Variants in RPS6KA2 observed in about 807,000 individuals in gnomAD.
RPS6KA2 encodes ribosomal protein S6 kinase A2, also known as ribosomal protein S6 kinase alpha-2.
RPS6KA2 carries 42 observed loss-of-function variants against 91.8 expected under a neutral mutation model. That is an observed-to-expected ratio of 0.46 (90% CI 0.36 to 0.59). The LOEUF (loss-of-function observed/expected upper bound fraction) is 0.59. Among genes scored for constraint, RPS6KA2 ranks in the 20% least tolerant of loss-of-function variants. The probability of loss-of-function intolerance (pLI) is 0.00; values close to 1 mark genes in which losing one functional copy is unlikely to be tolerated. For synonymous variants in RPS6KA2, 414 were observed against 393.6 expected (o/e 1.05, Z -0.61); for missense variants, 798 against 978.5 (o/e 0.82, Z 2.46).
chr6:166,798,617 G>C (rs1763254569), intron 2 of RPS6KA2, among the ~76,000 whole-genome samples: 1 of 152,220 alleles, frequency 6.6e-6, no homozygotes. Context: ...ACTGGGGTCA[G>C]TGTACATGCA....
chr6:166,468,856 T>TCCGCCTCAA lies in RPS6KA2; in HGVS notation c.972+984_972+985insTTGAGGCGG, dbSNP rs567161437. Among the ~76,000 whole-genome samples the TCCGCCTCAA allele has an allele frequency of 1.3e-3, 147 of 112,156 alleles. 19 individuals carry two copies. The highest frequency in any genetic ancestry group is 4.9e-3 in the Middle Eastern group (1 of 206). The allele number at this position is 112,156 out of a possible 152,430, so 73.6% of individuals were successfully genotyped here. On this transcript the variant is annotated intron_variant, in intron 11 of 20. Coordinates refer to ENST00000265678, the MANE Select transcript of RPS6KA2 (RefSeq NM_021135.6). ...TCCAGCCTGGGCGACAGAGCGAGAC[T>TCCGCCTCAA]AAAAAAAAAAAAAAAAAGAAGACAG...
At chr6:166,628,150 G>A (rs1158341564), upstream of RPS6KA2, among the ~76,000 whole-genome samples, 2 of 152,248 alleles carry the variant, frequency 1.3e-5, no homozygotes, top group African/African-American at 2.4e-5. Context: ...CTAGGGCAAG[G>A]CCCTCAGACC....
intron 1 of RPS6KA2, among the ~76,000 whole-genome samples, chr6:166,609,294 G>A (rs1017747646): frequency 7.2e-5 from 11 of 152,262 alleles, no homozygotes; most frequent in Non-Finnish European, 1.0e-4. Context: ...TGGGTTCCGG[G>A]TGTGAGATAA....
chr6:166,648,148 A>G lies in RPS6KA2; in HGVS notation c.124-109364T>C, dbSNP rs958434709. On this transcript the variant is annotated intron_variant, in intron 2 of 21. Transcript: ENST00000503859. The surrounding 1 kb of genome is among the most constrained non-coding windows in gnomAD (Gnocchi z 4.8). ...CATACACATACATGCACACACGCAC[A>G]TGGTTACACACCCATGCACACATGC... is the stretch of plus-strand genomic sequence containing the variant. Among the ~76,000 whole-genome samples, 8 of 149,642 alleles carry G rather than the reference A, an allele frequency of 5.3e-5. No homozygotes were observed. The highest frequency in any genetic ancestry group is 2.5e-5 in the African/African-American group (1 of 40,506).
At position 166,810,566 on chromosome 6, in the gene RPS6KA2, A is replaced by T. The variant is rs548575776; in HGVS notation, c.123+47634T>A. On this transcript the variant is annotated intron_variant, in intron 2 of 21. Transcript: ENST00000503859. Reference sequence around the variant, plus strand: ...TCTTAAATAGCTGAGAATCACCGGTAATCAATGGCATCACCTCCTATGATC... The same window carrying T: ...TCTTAAATAGCTGAGAATCACCGGTTATCAATGGCATCACCTCCTATGATC... 1.2e-4 allele frequency among the ~76,000 whole-genome samples: 18 copies of T among 152,314 alleles called. No homozygotes were observed. The South Asian group carries it at 3.1e-3, about 26-fold the overall frequency.
chr6:166,826,206 T>C (rs1294690499), intron 2 of RPS6KA2, among the ~76,000 whole-genome samples: 1 of 152,238 alleles, frequency 6.6e-6, no homozygotes, highest in African/African-American at 2.4e-5. Context: ...AAACTCTATG[T>C]TCATATGTAG....
At chr6:166,509,931 T>C (rs1241131100) in intron 4 of RPS6KA2, among the ~76,000 whole-genome samples, 1 of 152,244 alleles carries the variant, frequency 6.6e-6, no homozygotes, top group Non-Finnish European at 1.5e-5. Context: ...TATTGGGTCA[T>C]AGAGTATTTT....
rs1455836077 is a variant in RPS6KA2 at position 166,487,338 on chromosome 6, G to A, written c.907+1495C>T. Among the ~76,000 whole-genome samples, 3 of 152,082 alleles carry A rather than the reference G, an allele frequency of 2.0e-5. No individual in the cohort carries two copies. In the South Asian group the frequency reaches 6.2e-4, roughly 32 times the overall value. ...TCACCCATGCCACGGGGAGCTCACC[G>A]TGTCACCTGCTCTGACGTCACCAGT... On this transcript the variant is annotated intron_variant, in intron 10 of 20. Transcript: ENST00000265678.
rs768977437 is a variant in RPS6KA2 at position 166,729,870 on chromosome 6, C to T, written c.123+128330G>A. ...CTGGACACCCACTTCCTGTGTGTGACGAAATTCAAGGGCCCTTCTCATCAG... is the reference window on the plus strand; with the variant it reads ...CTGGACACCCACTTCCTGTGTGTGATGAAATTCAAGGGCCCTTCTCATCAG... On this transcript the variant is annotated intron_variant, in intron 2 of 21. Transcript: ENST00000503859. Among the ~76,000 whole-genome samples the T allele has an allele frequency of 7.2e-5, 11 of 152,226 alleles. 1 individual carries two copies. Among genetic ancestry groups the T allele is most frequent in the East Asian group, 1.9e-4 (1 of 5,178 alleles).
chr6:166,454,823 T>C (rs929960706), intron 12 of RPS6KA2, among the ~76,000 whole-genome samples: 4 of 151,126 alleles, frequency 2.6e-5, no homozygotes, highest in African/African-American at 9.7e-5. Flanking sequence ...AACCCAGACA[T>C]TACTTAAAAA....
intron 3 of RPS6KA2, among the ~76,000 whole-genome samples, chr6:166,527,106 T>C (rs1267127091): frequency 6.6e-6 from 1 of 152,184 alleles, no homozygotes; most frequent in East Asian, 1.9e-4. Context: ...GAGGCCAAGG[T>C]CAGCCCTGAG....
intron 2 of RPS6KA2, among the ~76,000 whole-genome samples, chr6:166,853,450 C>A (rs922407070): frequency 1.3e-5 from 2 of 152,224 alleles, no homozygotes; most frequent in African/African-American, 4.8e-5. Flanking sequence ...GCACAGACTT[C>A]GCCTCTGTGC....
intron 12 of RPS6KA2, among the ~76,000 whole-genome samples, chr6:166,458,525 C>G (rs1170203475): frequency 6.6e-6 from 1 of 152,172 alleles, no homozygotes; most frequent in Non-Finnish European, 1.5e-5. Context: ...CAGACTAATA[C>G]AGGCCTTTAA....
At chr6:166,562,002 C>T (rs897046578) in intron 1 of RPS6KA2, among the ~76,000 whole-genome samples, 4 of 152,166 alleles carry the variant, frequency 2.6e-5, no homozygotes, top group Non-Finnish European at 5.9e-5. Flanking sequence ...ATTCAATCTT[C>T]AAAGCAGGCG....
At chr6:166,745,182 G>A (rs1790958592) in intron 2 of RPS6KA2, among the ~76,000 whole-genome samples, 1 of 110,566 alleles carries the variant, frequency 9.0e-6, no homozygotes, top group East Asian at 2.8e-4. Context: ...AGAGAGTTTT[G>A]CCCTTGTTGC....
chr6:166,760,342 T>C (rs1332149432), intron 2 of RPS6KA2, among the ~76,000 whole-genome samples: 1 of 152,244 alleles, frequency 6.6e-6, no homozygotes, highest in East Asian at 1.9e-4. Flanking sequence ...ACATCTTCTT[T>C]CGAGGATATA....
chr6:166,811,832 G>C (rs1779646277), intron 2 of RPS6KA2, among the ~76,000 whole-genome samples: 2 of 152,068 alleles, frequency 1.3e-5, no homozygotes, highest in South Asian at 4.1e-4. Context: ...ATAATTACTA[G>C]AATAACAGCT....
chr6:166,530,987 C>A lies in RPS6KA2; in HGVS notation c.298+245G>T, dbSNP rs141145553. 1.3e-5 allele frequency among the ~76,000 whole-genome samples: 2 copies of A among 152,360 alleles called. 1 individual carries two copies. The highest frequency in any genetic ancestry group is 3.9e-4 in the East Asian group (2 of 5,186). ...TTCCCAATGCCGCTCCACGGCAGAA[C>A]ATATGTGGGAGAATGGTATTTACGC... On this transcript the variant is annotated intron_variant, in intron 3 of 20. Transcript: ENST00000265678.
At position 166,781,236 on chromosome 6, in the gene RPS6KA2, T is replaced by C. The variant is rs1012561294; in HGVS notation, c.123+76964A>G. Among the ~76,000 whole-genome samples, 13 of 152,366 alleles carry C rather than the reference T, an allele frequency of 8.5e-5. No homozygotes were observed. In the East Asian group the frequency reaches 1.7e-3, roughly 20 times the overall value. On this transcript the variant is annotated intron_variant, in intron 2 of 21. Transcript: ENST00000503859. Reference sequence around the variant, plus strand: ...ACGAAGGTAGGTCATTATCAACTATTTTCACAAAGGAACTAGGAACCGCAT... The same window carrying C: ...ACGAAGGTAGGTCATTATCAACTATCTTCACAAAGGAACTAGGAACCGCAT...
Sources: allele counts gnomAD v4.1 joint callset (sites outside exome capture counted in the v4.1 genomes callset), GRCh38; gene constraint gnomAD v4.1.1; non-coding constraint Gnocchi (gnomAD v3.1); transcripts MANE v1.5; gene names NCBI Gene and HGNC (gene_info 2026-07-23, HGNC 2026-07-21).